Variants in CTBP2 observed in about 807,000 individuals in gnomAD.
The protein encoded by CTBP2 is C-terminal binding protein 2.
Under a neutral mutation model 80.3 loss-of-function variants are expected in CTBP2, and 30 were observed. The observed-to-expected ratio is 0.37, with a 90% CI of 0.28 to 0.51. CTBP2 has a LOEUF of 0.51. Among genes scored for constraint, CTBP2 ranks in the 20% least tolerant of loss-of-function variants. CTBP2 has a pLI of 0.93. For synonymous variants in CTBP2, 594 were observed against 587.4 expected (o/e 1.01, Z -0.16); for missense variants, 1,212 against 1,375.3 (o/e 0.88, Z 1.88).
chr10:125,106,321 A>T (rs1360372354), intron 2 of CTBP2, among the ~76,000 whole-genome samples: 3 of 152,206 alleles, frequency 2.0e-5, no homozygotes, highest in Non-Finnish European at 4.4e-5. Flanking sequence ...CCGGGAAGCC[A>T]TCTTCACTGT....
At position 125,106,927 on chromosome 10, in the gene CTBP2, C is replaced by T. The variant is rs888740881; in HGVS notation, c.-102+4063G>A. On this transcript the variant is annotated intron_variant, in intron 2 of 10. Coordinates refer to the CTBP2 transcript ENST00000337195. ...GTGTGACCCTGGACCCATGTAGATGCTAAAGCAAAAAGAAGGGGAATGGAC... is the reference window on the plus strand; with the variant it reads ...GTGTGACCCTGGACCCATGTAGATGTTAAAGCAAAAAGAAGGGGAATGGAC... Among the ~76,000 whole-genome samples, 7 of 152,224 alleles carry T rather than the reference C, an allele frequency of 4.6e-5. No homozygotes were observed. The East Asian group carries it at 1.2e-3, about 25-fold the overall frequency.
At chr10:125,118,197 TCTTTCAG>T (rs147284777) in intron 1 of CTBP2, among the ~76,000 whole-genome samples, 6 of 127,088 alleles carry the variant, frequency 4.7e-5, no homozygotes, top group Non-Finnish European at 8.3e-5. Context: ...ATTCCCCTGC[TCTTTCAG>T]CTTTCAGCTT....
intron 3 of CTBP2, chr10:125,000,832 A>C (rs1217538510): frequency 6.6e-6 from 1 of 152,296 alleles, no homozygotes; most frequent in African/African-American, 2.4e-5. Context: ...AGGCCCGTTG[A>C]CCGCATGATG....
chr10:125,118,649 G>A (rs1211187173), intron 1 of CTBP2, among the ~76,000 whole-genome samples: 1 of 140,374 alleles, frequency 7.1e-6, no homozygotes, highest in Non-Finnish European at 1.5e-5. Context: ...AGTGGGGCAC[G>A]ACAGTCCTAC....
chr10:125,079,361 G>A (rs925688176), intron 2 of CTBP2, among the ~76,000 whole-genome samples: 2 of 152,132 alleles, frequency 1.3e-5, no homozygotes, highest in African/African-American at 4.8e-5. Flanking sequence ...CCTCTCCAGG[G>A]AGGAAAATGC....
chr10:124,990,528 A>T (rs1339836088), intron 8 of CTBP2, among the ~76,000 whole-genome samples: 1 of 152,234 alleles, frequency 6.6e-6, no homozygotes, highest in Non-Finnish European at 1.5e-5. Context: ...ATGAATGTGG[A>T]TACATTATAC....
intron 1 of CTBP2, among the ~76,000 whole-genome samples, chr10:125,147,550 C>T (rs1859010924): frequency 6.6e-6 from 1 of 152,144 alleles, no homozygotes; most frequent in African/African-American, 2.4e-5. Context: ...AAGCCAGCCC[C>T]ACCAGCCACT....
intron 1 of CTBP2, among the ~76,000 whole-genome samples, chr10:125,009,443 T>C (rs1955623719): frequency 6.6e-6 from 1 of 152,160 alleles, no homozygotes; most frequent in African/African-American, 2.4e-5. Flanking sequence ...CAGCCGAACC[T>C]GAGGCCCCGC....
intron 3 of CTBP2, among the ~76,000 whole-genome samples, chr10:125,002,134 A>G (rs1277081589): frequency 3.9e-5 from 6 of 152,144 alleles, no homozygotes; most frequent in African/African-American, 1.4e-4. Context: ...TGCCTCATGA[A>G]TTTGGGGCAC....
intron 1 of CTBP2, among the ~76,000 whole-genome samples, chr10:125,114,066 C>T (rs781049814): frequency 6.6e-6 from 1 of 152,190 alleles, no homozygotes; most frequent in Non-Finnish European, 1.5e-5. Context: ...TGGACTAGTG[C>T]CCCGAGGATT....
intron 2 of CTBP2, among the ~76,000 whole-genome samples, chr10:125,048,765 G>C (rs1355437729): frequency 6.6e-6 from 1 of 152,152 alleles, no homozygotes; most frequent in Admixed American, 6.5e-5. Flanking sequence ...GACGGTGCTG[G>C]GGAGGGGCCG....
At chr10:125,012,378 C>G (rs957563080) in intron 1 of CTBP2, among the ~76,000 whole-genome samples, 2 of 152,186 alleles carry the variant, frequency 1.3e-5, no homozygotes, top group Admixed American at 6.5e-5. Flanking sequence ...TGGTCAGGAT[C>G]TCATGCACAG....
At chr10:125,024,365 A>G (rs547351967) in intron 1 of CTBP2, among the ~76,000 whole-genome samples, 2 of 152,336 alleles carry the variant, frequency 1.3e-5, no homozygotes, top group Non-Finnish European at 2.9e-5. Flanking sequence ...CTTCCCTGGC[A>G]CTGGCTCGCT....
intron 2 of CTBP2, among the ~76,000 whole-genome samples, chr10:125,057,327 A>G (rs778268902): frequency 6.6e-6 from 1 of 152,192 alleles, no homozygotes; most frequent in Non-Finnish European, 1.5e-5. Context: ...CACTCCTCGA[A>G]AGAGAGACAC....
At chr10:125,149,402 G>A (rs973710364) in intron 1 of CTBP2, among the ~76,000 whole-genome samples, 1 of 152,156 alleles carries the variant, frequency 6.6e-6, no homozygotes, top group Non-Finnish European at 1.5e-5. Context: ...AAAAACTGCA[G>A]GGGGCACTTA....
intron 3 of CTBP2, chr10:124,999,383 C>G (rs1409353295): frequency 6.6e-6 from 1 of 150,688 alleles, no homozygotes; most frequent in Non-Finnish European, 1.5e-5. Flanking sequence ...GGGGTGGGGA[C>G]AGATTGGGGT....
At chr10:125,099,047 G>A (rs1590765394) in intron 2 of CTBP2, among the ~76,000 whole-genome samples, 2 of 152,288 alleles carry the variant, frequency 1.3e-5, no homozygotes, top group Non-Finnish European at 2.9e-5. Flanking sequence ...TGGAGTCTAG[G>A]GAGACACTGT....
chr10:125,045,112 T>A (rs1462651888), intron 2 of CTBP2, among the ~76,000 whole-genome samples: 2 of 152,192 alleles, frequency 1.3e-5, no homozygotes, highest in Non-Finnish European at 2.9e-5. Context: ...AGGTGATTCA[T>A]GAGGCTCTGC....
intron 1 of CTBP2, among the ~76,000 whole-genome samples, chr10:125,140,431 T>C (rs1419964276): frequency 6.6e-6 from 1 of 152,070 alleles, no homozygotes; most frequent in Non-Finnish European, 1.5e-5. Flanking sequence ...CGAAAGGACA[T>C]TTCGGGCAAC....
Sources: gnomAD v4.1 joint callset for allele counts (sites outside exome capture counted in the v4.1 genomes callset) on GRCh38, gnomAD v4.1.1 for gene constraint, MANE v1.5 for transcripts, NCBI Gene and HGNC (gene_info 2026-07-23, HGNC 2026-07-21) for gene names.